The following SNX8 variants were observed in gnomAD, a reference collection of about 807,000 sequenced individuals.
SNX8 encodes the protein sorting nexin 8.
Under a neutral mutation model 51.6 loss-of-function variants are expected in SNX8, and 25 were observed. That is an observed-to-expected ratio of 0.48 (90% CI 0.35 to 0.68). SNX8 has a LOEUF of 0.68. Ranked by LOEUF, SNX8 falls within the 30% of genes least tolerant of loss-of-function variation. SNX8 has a pLI of 0.00. For missense variants in SNX8, 695 were observed against 624.0 expected (o/e 1.11, Z -1.21); for synonymous variants, 324 against 277.0 (o/e 1.17, Z -1.68).
At position 2,287,689 on chromosome 7, in the gene SNX8, T is replaced by C. The variant is rs1796062847; in HGVS notation, c.95-9384A>G. Among the ~76,000 whole-genome samples, 3 of 151,878 alleles carry C rather than the reference T, an allele frequency of 2.0e-5. No homozygotes were observed. The South Asian group carries it at 6.2e-4, about 32-fold the overall frequency. ...TCGCTTGAACCCAGAAGGTGGAGGTTGCACTGAGCTGAGATCGCACCACAC... is the reference window on the plus strand; with the variant it reads ...TCGCTTGAACCCAGAAGGTGGAGGTCGCACTGAGCTGAGATCGCACCACAC... On this transcript the variant is annotated intron_variant, in intron 1 of 10. Coordinates refer to ENST00000222990, the MANE Select transcript of SNX8 (RefSeq NM_013321.4).
At chr7:2,294,027 G>T (rs1289168232) in intron 1 of SNX8, among the ~76,000 whole-genome samples, 1 of 151,478 alleles carries the variant, frequency 6.6e-6, no homozygotes, top group Non-Finnish European at 1.5e-5. Context: ...ACTTTGGGAG[G>T]CCGAGGTGGG....
At chr7:2,330,834 A>G (rs1237620240) in intron 1 of SNX8, among the ~76,000 whole-genome samples, 1 of 152,138 alleles carries the variant, frequency 6.6e-6, no homozygotes, top group East Asian at 1.9e-4. Flanking sequence ...AAGAAAAAGA[A>G]AAGAATGCAT....
At chr7:2,314,297 A>C (rs2115214614) in intron 1 of SNX8, 31 bp downstream of exon 1, 2 of 1,218,814 alleles carry the variant, frequency 1.6e-6, no homozygotes, top group East Asian at 6.5e-5. Context: ...CGCCCTGGGC[A>C]GGTGGGGGCT....
chr7:2,297,550 C>CAA (rs145543350), intron 1 of SNX8, among the ~76,000 whole-genome samples: 495 of 40,254 alleles, frequency 0.012, 74 homozygotes, highest in African/African-American at 0.03. Context: ...AACCCCGCCG[C>CAA]AAAAAAAAAA....
At chr7:2,343,907 C>T (rs1778976086) in intron 1 of SNX8, among the ~76,000 whole-genome samples, 1 of 151,628 alleles carries the variant, frequency 6.6e-6, no homozygotes. Context: ...GTGGTGCAGG[C>T]CTGTAATCCC....
intron 1 of SNX8, among the ~76,000 whole-genome samples, chr7:2,296,886 C>T (rs1458557065): frequency 6.6e-6 from 1 of 151,672 alleles, no homozygotes; most frequent in East Asian, 1.9e-4. Flanking sequence ...GCTGAGATCA[C>T]GCCATTGCAC....
chr7:2,271,427 TACA>T (rs1329770664), intron 4 of SNX8, among the ~76,000 whole-genome samples: 5 of 152,192 alleles, frequency 3.3e-5, no homozygotes, highest in African/African-American at 7.2e-5. Flanking sequence ...GGAGTGCATG[TACA>T]ACAAGTTAAT....
At chr7:2,260,439 G>A (rs1795308172) in intron 7 of SNX8, among the ~76,000 whole-genome samples, 1 of 152,122 alleles carries the variant, frequency 6.6e-6, no homozygotes, top group South Asian at 2.1e-4. Context: ...AAGCTGTCCT[G>A]GGCCACACGC....
At chr7:2,283,143 A>AC in intron 1 of SNX8, among the ~76,000 whole-genome samples, 1 of 151,942 alleles carries the variant, frequency 6.6e-6, no homozygotes, top group African/African-American at 2.4e-5. Context: ...AGAAACAAAC[A>AC]AACAGGATTT....
Position 2,253,256 on chromosome 7 carries a change from C to T in SNX8, c.*1800G>A, listed in dbSNP as rs1228990769. On this transcript the variant is annotated 3_prime_UTR_variant, in exon 11 of 11. Coordinates refer to ENST00000222990, the MANE Select transcript of SNX8 (RefSeq NM_013321.4). ...CTCAATCCTTGGGGGCTGTCAGGAG[C>T]GCGTGCCTTGCCTACTCTGGAGACA... 2.6e-5 allele frequency: 4 copies of T among 154,146 alleles called. No homozygotes were observed. Among genetic ancestry groups the T allele is most frequent in the African/African-American group, 4.8e-5 (2 of 41,368 alleles). The allele number at this position is 154,146 out of a possible 1,614,324, so 9.5% of individuals were successfully genotyped here. A position where few individuals can be genotyped will look rare whatever the true frequency, so the allele number is the denominator to read the frequency against.
chr7:2,350,255 G>A (rs923316589), intron 1 of SNX8, among the ~76,000 whole-genome samples: 1 of 152,154 alleles, frequency 6.6e-6, no homozygotes, highest in Non-Finnish European at 1.5e-5. Flanking sequence ...GCCTAGAGAC[G>A]TTGAGGCTCT....
intron 1 of SNX8, among the ~76,000 whole-genome samples, chr7:2,327,284 G>A (rs1030180209): frequency 6.6e-5 from 10 of 152,126 alleles, no homozygotes; most frequent in African/African-American, 2.4e-4. Flanking sequence ...CTGTTGCCCA[G>A]GCTGGAGTGC....
intron 1 of SNX8, among the ~76,000 whole-genome samples, chr7:2,321,527 T>C (rs971499713): frequency 1.1e-4 from 16 of 148,400 alleles, no homozygotes; most frequent in Non-Finnish European, 1.6e-4. Flanking sequence ...CCCAGGTTCA[T>C]GCCATTCTCC....
At chr7:2,325,003 CTATT>C (rs1205809775) in intron 1 of SNX8, among the ~76,000 whole-genome samples, 2 of 151,524 alleles carry the variant, frequency 1.3e-5, no homozygotes, top group South Asian at 2.1e-4. Context: ...CAGCTACAGG[CTATT>C]TATTTTTTGT....
chr7:2,271,411 T>C (rs909007240), intron 4 of SNX8, among the ~76,000 whole-genome samples: 3 of 152,170 alleles, frequency 2.0e-5, no homozygotes, highest in African/African-American at 7.2e-5. Flanking sequence ...CACTCAGACC[T>C]CTGACGGAGT....
Position 2,254,972 on chromosome 7 carries a change from C to CGTCCAAAGG in SNX8, c.*75_*83dup, listed in dbSNP as rs1186599685. 3 of 947,850 alleles carry CGTCCAAAGG rather than the reference C, an allele frequency of 3.2e-6. No individual in the cohort carries two copies. Among genetic ancestry groups the CGTCCAAAGG allele is most frequent in the Non-Finnish European group, 4.9e-6 (3 of 606,418 alleles). 58.7% of individuals were successfully genotyped at this position (947,850 alleles called of 1,614,324 possible). ...GGGGCGTGGCGGGGAGGGGAGCTGCCGTCCAAAGGGAATTACACCGGGACA... is the reference window on the plus strand; with the variant it reads ...GGGGCGTGGCGGGGAGGGGAGCTGCCGTCCAAAGGGTCCAAAGGGAATTACACCGGGACA... On this transcript the variant is annotated 3_prime_UTR_variant, in exon 11 of 11. Coordinates refer to ENST00000222990, the MANE Select transcript of SNX8 (RefSeq NM_013321.4).
upstream of SNX8, among the ~76,000 whole-genome samples, chr7:2,315,898 GCATT>G (rs943442781): frequency 7.5e-6 from 1 of 133,460 alleles, no homozygotes; most frequent in African/African-American, 2.9e-5. Context: ...ACTGCATCCT[GCATT>G]CATTCATCCA....
intron 1 of SNX8, among the ~76,000 whole-genome samples, chr7:2,348,475 G>A (rs1181428813): frequency 6.6e-6 from 1 of 151,666 alleles, no homozygotes; most frequent in African/African-American, 2.4e-5. Flanking sequence ...CGAGTAGCTG[G>A]GACTACAGGC....
intron 1 of SNX8, among the ~76,000 whole-genome samples, chr7:2,353,092 G>A (rs2115258237): frequency 6.6e-6 from 1 of 152,296 alleles, no homozygotes; most frequent in South Asian, 2.1e-4. Flanking sequence ...CCAGGAGTTT[G>A]AGACCAGCCT....
Sources: gnomAD v4.1 joint callset for allele counts (sites outside exome capture counted in the v4.1 genomes callset) on GRCh38, gnomAD v4.1.1 for gene constraint, MANE v1.5 for transcripts, NCBI Gene and HGNC (gene_info 2026-07-23, HGNC 2026-07-21) for gene names.